Variants in SLC28A1 observed in about 807,000 individuals in gnomAD.
SLC28A1 encodes the protein solute carrier family 28 member 1, also known as sodium/nucleoside cotransporter 1.
A neutral mutation model predicts 74.8 loss-of-function variants in SLC28A1; 64 were observed. The observed-to-expected ratio is 0.86, with a 90% CI of 0.70 to 1.05. The LOEUF (loss-of-function observed/expected upper bound fraction) is 1.05. SLC28A1 is among the 50% of genes least tolerant of loss of function. The probability of loss-of-function intolerance (pLI) is 0.00; values close to 1 mark genes in which losing one functional copy is unlikely to be tolerated. For synonymous variants in SLC28A1, 359 were observed against 335.0 expected, an observed-to-expected ratio of 1.07 and a Z score of -0.78; for missense variants, 828 against 822.8, an observed-to-expected ratio of 1.01 and a Z score of -0.08.
intron 9 of SLC28A1, among the ~76,000 whole-genome samples, chr15:84,912,496 G>C (rs1290283212): frequency 1.3e-5 from 2 of 152,118 alleles, no homozygotes; most frequent in Non-Finnish European, 2.9e-5. Flanking sequence ...CAGTGGACGT[G>C]GCAGTCACCC....
intron 7 of SLC28A1, among the ~76,000 whole-genome samples, chr15:84,904,647 C>T (rs966504507): frequency 1.4e-4 from 22 of 152,196 alleles, no homozygotes; most frequent in Non-Finnish European, 1.8e-4. Context: ...CTCCCCAGTC[C>T]AGCAACAGCG....
intron 1 of SLC28A1, among the ~76,000 whole-genome samples, chr15:84,885,340 G>T (rs1288956019): frequency 6.6e-6 from 1 of 151,716 alleles, no homozygotes; most frequent in South Asian, 2.1e-4. Flanking sequence ...ACAGTGTGCG[G>T]AACTCTGCTA....
At chr15:84,942,675 G>C (rs1276729125) in intron 15 of SLC28A1, among the ~76,000 whole-genome samples, 1 of 152,144 alleles carries the variant, frequency 6.6e-6, no homozygotes, top group Admixed American at 6.5e-5. Flanking sequence ...AGCCAGGCTG[G>C]CTGGGCTCCA....
chr15:84,893,784 C>T (rs1297108001), intron 5 of SLC28A1, among the ~76,000 whole-genome samples: 1 of 152,204 alleles, frequency 6.6e-6, no homozygotes, highest in East Asian at 1.9e-4. Flanking sequence ...CTTTCTAGGG[C>T]CCTGCTTGCC....
chr15:84,961,105 C>T, the SLC28A1 span, among the ~76,000 whole-genome samples: 3 of 152,262 alleles, frequency 2.0e-5, no homozygotes, highest in Non-Finnish European at 2.9e-5. Context: ...ATATCACCTC[C>T]GAACTCGTAG....
chr15:84,923,143 G>A (rs1045698448), intron 11 of SLC28A1, among the ~76,000 whole-genome samples: 1 of 152,094 alleles, frequency 6.6e-6, no homozygotes, highest in South Asian at 2.1e-4. Context: ...TCACCATGTT[G>A]GCCAGGCTGG....
Position 84,908,594 on chromosome 15 carries a change from C to CG in SLC28A1, c.718-124_718-123insG, listed in dbSNP as rs1555447795. 8.7e-3 allele frequency: 6,760 copies of CG among 779,208 alleles called. 307 individuals are homozygous for CG. The African/African-American group carries it at 0.095, about 11-fold the overall frequency. The allele number at this position is 779,208 out of a possible 1,614,324, so 48.3% of individuals were successfully genotyped here. Reference sequence around the variant, plus strand: ...CGCACCTTGCCAGGTGGTGCCCCCCCCCGGATAAGGGCCTGGGGGGACTAC... The same window carrying CG: ...CGCACCTTGCCAGGTGGTGCCCCCCCGCCGGATAAGGGCCTGGGGGGACTAC... On this transcript the variant is annotated intron_variant, in intron 8 of 18. Transcript: ENST00000394573.
chr15:84,916,983 G>A (rs1052099460), intron 9 of SLC28A1, among the ~76,000 whole-genome samples: 2 of 133,864 alleles, frequency 1.5e-5, no homozygotes, highest in Admixed American at 8.9e-5. Flanking sequence ...AGCCGAGATC[G>A]TACCACTGTA....
chr15:84,918,619 C>T lies in SLC28A1; in HGVS notation c.876+15C>T. On this transcript the variant is annotated intron_variant, in intron 10 of 18. Coordinates refer to ENST00000394573, the MANE Select transcript of SLC28A1 (RefSeq NM_004213.5). ...TGATCCTGAAGGTAAGTTCCCAGTG[C>T]CCATGGCCAGGGCTCTCCCAGAGTC... 1.3e-6 allele frequency: 2 copies of T among 1,593,992 alleles called. No homozygotes were observed. Among genetic ancestry groups the T allele is most frequent in the Non-Finnish European group, 1.7e-6 (2 of 1,161,866 alleles).
chr15:84,937,627 C>T (rs2142023930), intron 15 of SLC28A1, among the ~76,000 whole-genome samples: 1 of 152,258 alleles, frequency 6.6e-6, no homozygotes, highest in South Asian at 2.1e-4. Context: ...TGTGGCCAGG[C>T]ACGGTGGCTC....
chr15:84,945,172 T>C lies in SLC28A1; in HGVS notation c.1922T>C (p.Phe641Ser). The C allele has an allele frequency of 6.2e-7, 1 of 1,614,046 alleles. No individual in the cohort carries two copies. Among genetic ancestry groups the C allele is most frequent in the Middle Eastern group, 1.6e-4 (1 of 6,062 alleles). ...GAGGCCCTGGACAACTGCTGTCGGT[T>C]TTACAACCACACGATCTGTGCACAG... ...SPEALDNCCR[F>S]YNHTICAQ The change falls in exon 19 of 19, where the codon TTT becomes TCT. Residue 641 changes from phenylalanine to serine, a missense_variant. By Grantham distance (155) the Phe-to-Ser change is radical (BLOSUM62 -2). Transcript: ENST00000394573.
At chr15:84,899,661 A>G (rs59574216) in intron 6 of SLC28A1, among the ~76,000 whole-genome samples, 22,918 of 152,168 alleles carry the variant, frequency 0.15, 1,940 homozygotes, top group African/African-American at 0.22. Context: ...GTATTTCAAA[A>G]AAGAAGAGGA....
intron 12 of SLC28A1, among the ~76,000 whole-genome samples, chr15:84,929,396 T>C (rs1413819718): frequency 6.6e-6 from 1 of 151,164 alleles, no homozygotes; most frequent in African/African-American, 2.4e-5. Context: ...ATACAAAAAT[T>C]AGCCAGGTAT....
intron 8 of SLC28A1, among the ~76,000 whole-genome samples, chr15:84,907,371 G>A (rs1316630690): frequency 6.6e-5 from 10 of 152,184 alleles, no homozygotes; most frequent in African/African-American, 2.2e-4. Flanking sequence ...TTTTGGTAGA[G>A]ATGGGGTTTT....
the SLC28A1 span, among the ~76,000 whole-genome samples, chr15:84,971,386 G>A: frequency 6.6e-6 from 1 of 152,174 alleles, no homozygotes; most frequent in Non-Finnish European, 1.5e-5. Flanking sequence ...TCATGAATGT[G>A]TTGGTGCCAT....
intron 6 of SLC28A1, chr15:84,895,680 G>A (rs1052935351): frequency 1.4e-6 from 2 of 1,405,190 alleles, no homozygotes; most frequent in Non-Finnish European, 1.8e-6. Context: ...TTCCCGCCCA[G>A]CCCACCATTT....
At chr15:84,896,076 G>A (rs559427703) in intron 6 of SLC28A1, 31 of 513,914 alleles carry the variant, frequency 6.0e-5, no homozygotes, top group Admixed American at 1.9e-4. Context: ...ATTGATAATG[G>A]TTTTCCGCTT....
In SLC28A1 at chr15:84,911,167, A is replaced by G. The variant is rs144136698; in HGVS notation, c.795+2372A>G. On this transcript the variant is annotated intron_variant, in intron 9 of 18. Transcript: ENST00000394573. ...CACTGGCCCGCGTCTCTCCTGCGTC[A>G]TTGCTGGGCTTGCCTCTGTGTCTGC... Among the ~76,000 whole-genome samples the G allele has an allele frequency of 6.7e-3, 1,012 of 151,870 alleles. 7 individuals are homozygous for G. The highest frequency in any genetic ancestry group is 9.1e-3 in the Non-Finnish European group (617 of 67,754).
chr15:84,889,911 G>A (rs1045108974), intron 4 of SLC28A1, among the ~76,000 whole-genome samples: 7 of 148,396 alleles, frequency 4.7e-5, no homozygotes, highest in African/African-American at 1.7e-4. Context: ...CTGGAGTGCA[G>A]TGGCACGAAC....
Sources: gnomAD v4.1 joint callset for allele counts (sites outside exome capture counted in the v4.1 genomes callset) on GRCh38, gnomAD v4.1.1 for gene constraint, MANE v1.5 for transcripts, NCBI Gene and HGNC (gene_info 2026-07-23, HGNC 2026-07-21) for gene names.